The following CNIH3 variants were observed in gnomAD, a reference collection of about 807,000 sequenced individuals.
CNIH3 encodes cornichon family AMPA receptor auxiliary protein 3.
In CNIH3, 14 loss-of-function variants were observed where a neutral mutation model predicts 24.1. The ratio of observed to expected loss-of-function variants is 0.58; its 90% CI spans 0.38 to 0.91. CNIH3 has a LOEUF of 0.91. Among genes scored for constraint, CNIH3 ranks in the 40% least tolerant of loss-of-function variants. The pLI, the probability that CNIH3 is intolerant of heterozygous loss-of-function variation, is 0.00. For synonymous variants in CNIH3, 68 were observed against 73.8 expected (o/e 0.92, Z 0.40); for missense variants, 178 against 196.8 (o/e 0.90, Z 0.57).
chr1:224,466,649 T>C (rs1460867634), intron 1 of CNIH3, among the ~76,000 whole-genome samples: 1 of 152,232 alleles, frequency 6.6e-6, no homozygotes, highest in African/African-American at 2.4e-5. Context: ...GTATGGTAAG[T>C]GCACTTTTAG....
chr1:224,688,610 A>C (rs1686773609), intron 3 of CNIH3, among the ~76,000 whole-genome samples: 1 of 152,174 alleles, frequency 6.6e-6, no homozygotes, highest in South Asian at 2.1e-4. Context: ...TCATTTCAGT[A>C]CTGTCCGTGA....
At chr1:224,526,769 T>A (rs1678863518) in intron 2 of CNIH3, among the ~76,000 whole-genome samples, 1 of 152,184 alleles carries the variant, frequency 6.6e-6, no homozygotes, top group Non-Finnish European at 1.5e-5. Flanking sequence ...CCCATGGTTC[T>A]GCAGGCTGTA....
chr1:224,549,703 T>C (rs1323719450), intron 3 of CNIH3, among the ~76,000 whole-genome samples: 1 of 152,072 alleles, frequency 6.6e-6, no homozygotes, highest in Non-Finnish European at 1.5e-5. Flanking sequence ...CACTGGATAT[T>C]ATAAAACTAT....
Position 224,739,588 on chromosome 1 carries a change from G to A in CNIH3, c.*232G>A. 1 of 710,954 alleles carries A rather than the reference G, an allele frequency of 1.4e-6. No individual in the cohort carries two copies. Among genetic ancestry groups the A allele is most frequent in the Non-Finnish European group, 2.3e-6 (1 of 439,142 alleles). The allele number at this position is 710,954 out of a possible 1,614,324, so 44.0% of individuals were successfully genotyped here. On this transcript the variant is annotated 3_prime_UTR_variant, in exon 6 of 6. Transcript: ENST00000272133. ...CTTTGGCATTCGAATTCCACACACG[G>A]GGTCCTAGAGCCCTTCTGAGCATCA...
At chr1:224,674,774 C>T (rs370257641) in intron 1 of CNIH3, among the ~76,000 whole-genome samples, 6 of 152,086 alleles carry the variant, frequency 3.9e-5, no homozygotes, top group Non-Finnish European at 7.4e-5. Flanking sequence ...CTGGACTTCT[C>T]GGTGGCTTCC....
intron 1 of CNIH3, among the ~76,000 whole-genome samples, chr1:224,499,326 G>A (rs1390099123): frequency 1.3e-5 from 2 of 152,132 alleles, no homozygotes; most frequent in Non-Finnish European, 2.9e-5. Context: ...CATTGGTTCT[G>A]ATAAGAAGAG....
chr1:224,544,853 C>T (rs1415169558), intron 2 of CNIH3, among the ~76,000 whole-genome samples: 1 of 152,226 alleles, frequency 6.6e-6, no homozygotes, highest in Non-Finnish European at 1.5e-5. Context: ...TTCTCCCTGC[C>T]TCCTACTTTC....
chr1:224,533,290 C>T (rs1679150825), intron 2 of CNIH3, among the ~76,000 whole-genome samples: 1 of 151,088 alleles, frequency 6.6e-6, no homozygotes, highest in Middle Eastern at 3.2e-3. Flanking sequence ...AGTGGCGCGC[C>T]CTTATATTCC....
intron 1 of CNIH3, among the ~76,000 whole-genome samples, chr1:224,468,883 A>G (rs1676255256): frequency 6.6e-6 from 1 of 151,938 alleles, no homozygotes; most frequent in Admixed American, 6.6e-5. Context: ...TTAGGGGGAA[A>G]GCATTCAGTC....
chr1:224,605,477 T>C (rs1410332932), intron 3 of CNIH3, among the ~76,000 whole-genome samples: 1 of 152,178 alleles, frequency 6.6e-6, no homozygotes, highest in Non-Finnish European at 1.5e-5. Flanking sequence ...AAAACTAAAC[T>C]GTCCTTGTAA....
chr1:224,729,475 A>G (rs1166861656), intron 3 of CNIH3, among the ~76,000 whole-genome samples: 5 of 150,788 alleles, frequency 3.3e-5, no homozygotes, highest in Non-Finnish European at 4.4e-5. Flanking sequence ...GGATGTTTCA[A>G]AAGATTTTGA....
intron 1 of CNIH3, among the ~76,000 whole-genome samples, chr1:224,490,015 A>G (rs564812259): frequency 6.6e-6 from 1 of 152,356 alleles, no homozygotes; most frequent in Non-Finnish European, 1.5e-5. Context: ...AGCAATAGGT[A>G]TGTAGGACCA....
chr1:224,651,289 A>C (rs755056648), intron 1 of CNIH3, among the ~76,000 whole-genome samples: 2 of 152,212 alleles, frequency 1.3e-5, no homozygotes, highest in African/African-American at 2.4e-5. Context: ...CAGTGCAGGA[A>C]TAAGGAAACT....
chr1:224,472,168 A>G (rs1483668667), intron 1 of CNIH3, among the ~76,000 whole-genome samples: 2 of 152,154 alleles, frequency 1.3e-5, no homozygotes, highest in Non-Finnish European at 2.9e-5. Context: ...TAGTGGTTGT[A>G]CTAATTTACA....
intron 3 of CNIH3, among the ~76,000 whole-genome samples, chr1:224,606,565 C>T (rs1035822534): frequency 6.6e-6 from 1 of 152,072 alleles, no homozygotes; most frequent in Non-Finnish European, 1.5e-5. Context: ...TTTATAAATA[C>T]AGGATGCAGG....
chr1:224,441,006 C>A (rs1427611923), intron 1 of CNIH3, among the ~76,000 whole-genome samples: 3 of 151,984 alleles, frequency 2.0e-5, no homozygotes, highest in East Asian at 3.9e-4. Context: ...TTAGTAGAGA[C>A]AGGGTTTCAC....
intron 1 of CNIH3, among the ~76,000 whole-genome samples, chr1:224,487,036 C>T (rs1002721357): frequency 6.6e-6 from 1 of 152,216 alleles, no homozygotes; most frequent in African/African-American, 2.4e-5. Context: ...GACCCAGAGT[C>T]TCCTGTAAAC....
At chr1:224,593,594 A>C (rs915025035), downstream of CNIH3, among the ~76,000 whole-genome samples, 2 of 152,232 alleles carry the variant, frequency 1.3e-5, no homozygotes, top group Non-Finnish European at 2.9e-5. Context: ...ATTTGAGATA[A>C]TGTTTATACT....
At chr1:224,547,664 C>T (rs968984101) in intron 3 of CNIH3, among the ~76,000 whole-genome samples, 1 of 151,786 alleles carries the variant, frequency 6.6e-6, no homozygotes, top group Non-Finnish European at 1.5e-5. Flanking sequence ...GGTATTACTC[C>T]TAATATTACA....
Sources: gnomAD v4.1 joint callset for allele counts (sites outside exome capture counted in the v4.1 genomes callset) on GRCh38, gnomAD v4.1.1 for gene constraint, MANE v1.5 for transcripts, NCBI Gene and HGNC (gene_info 2026-07-23, HGNC 2026-07-21) for gene names.